The following GALNT13 variants were observed in gnomAD, a reference collection of about 807,000 sequenced individuals.
GALNT13 encodes UDP-GalNAc:polypeptide N-acetylgalactosaminyltransferase 13.
GALNT13 carries 28 observed loss-of-function variants against 64.2 expected under a neutral mutation model. The observed-to-expected ratio is 0.44, with a 90% confidence interval of 0.32 to 0.60. The LOEUF is 0.60. Among genes scored for constraint, GALNT13 ranks in the 20% least tolerant of loss-of-function variants. The pLI, the probability that GALNT13 is intolerant of heterozygous loss-of-function variation, is 0.05. For missense variants in GALNT13, 577 were observed against 669.8 expected (o/e 0.86, Z 1.53); for synonymous variants, 214 against 224.6 (o/e 0.95, Z 0.42).
chr2:153,823,349 C>A, the GALNT13 span, among the ~76,000 whole-genome samples: 1 of 152,258 alleles, frequency 6.6e-6, no homozygotes, highest in South Asian at 2.1e-4. Flanking sequence ...AAACCAGAGA[C>A]AGCAGATTAT....
chr2:153,833,424 A>G, the GALNT13 span, among the ~76,000 whole-genome samples: 1 of 152,158 alleles, frequency 6.6e-6, no homozygotes, highest in Non-Finnish European at 1.5e-5. Context: ...AAAGTTCTAG[A>G]CTTAATAAGA....
At chr2:153,082,200 T>TCC in the GALNT13 span, among the ~76,000 whole-genome samples, 1 of 152,152 alleles carries the variant, frequency 6.6e-6, no homozygotes, top group East Asian at 1.9e-4. Context: ...CAGGTGGTTT[T>TCC]TGGTTACATG....
At chr2:154,100,008 G>A (rs1702266189) in intron 3 of GALNT13, among the ~76,000 whole-genome samples, 1 of 152,030 alleles carries the variant, frequency 6.6e-6, no homozygotes, top group East Asian at 1.9e-4. Context: ...TTGTTGAAGA[G>A]CAGTTAGCTA....
At chr2:153,835,522 T>C in the GALNT13 span, among the ~76,000 whole-genome samples, 2 of 152,024 alleles carry the variant, frequency 1.3e-5, no homozygotes, top group African/African-American at 4.8e-5. Flanking sequence ...GGGTTTTGGT[T>C]CTATGATGAA....
At chr2:154,101,936 G>A (rs1045297864) in intron 3 of GALNT13, among the ~76,000 whole-genome samples, 1 of 151,966 alleles carries the variant, frequency 6.6e-6, no homozygotes, top group Admixed American at 6.6e-5. Flanking sequence ...TAGGTTCTGT[G>A]TACTTTTTTG....
At chr2:153,638,231 A>C in the GALNT13 span, among the ~76,000 whole-genome samples, 1 of 152,132 alleles carries the variant, frequency 6.6e-6, no homozygotes. Context: ...CATTGTAAAG[A>C]TATTCATTGG....
chr2:154,092,561 G>A (rs1336142797), intron 3 of GALNT13, among the ~76,000 whole-genome samples: 1 of 152,030 alleles, frequency 6.6e-6, no homozygotes, highest in African/African-American at 2.4e-5. Flanking sequence ...AACTGTCACT[G>A]TTGGCACTGC....
intron 3 of GALNT13, among the ~76,000 whole-genome samples, chr2:153,963,883 T>G (rs527508332): frequency 6.6e-6 from 1 of 152,066 alleles, no homozygotes; most frequent in Non-Finnish European, 1.5e-5. Context: ...ATGAGGTCTA[T>G]GAAAGAGCAG....
intron 2 of GALNT13, among the ~76,000 whole-genome samples, chr2:153,917,609 C>T (rs1049147677): frequency 3.9e-5 from 6 of 152,020 alleles, no homozygotes; most frequent in Non-Finnish European, 5.9e-5. Flanking sequence ...AAGTAATAAA[C>T]TTAATTGCAC....
At chr2:153,658,655 A>T in the GALNT13 span, among the ~76,000 whole-genome samples, 1 of 152,150 alleles carries the variant, frequency 6.6e-6, no homozygotes, top group Non-Finnish European at 1.5e-5. Context: ...TTATTATAGG[A>T]GTTCTAAACT....
intron 9 of GALNT13, among the ~76,000 whole-genome samples, chr2:154,319,458 C>T (rs755044382): frequency 1.3e-5 from 2 of 151,826 alleles, no homozygotes; most frequent in Non-Finnish European, 2.9e-5. Context: ...TTGAGGTCAT[C>T]AGTAAAAGAC....
chr2:153,468,338 T>C, the GALNT13 span, among the ~76,000 whole-genome samples: 8 of 152,108 alleles, frequency 5.3e-5, no homozygotes, highest in African/African-American at 1.7e-4. Flanking sequence ...GTGAAGTCTT[T>C]GTTTGCGTTG....
At chr2:154,024,593 C>G (rs1037291906) in intron 3 of GALNT13, among the ~76,000 whole-genome samples, 1 of 152,022 alleles carries the variant, frequency 6.6e-6, no homozygotes, top group South Asian at 2.1e-4. Context: ...ATCCATTTGT[C>G]TAATTTTTTT....
the GALNT13 span, among the ~76,000 whole-genome samples, chr2:153,305,759 C>T: frequency 3.9e-5 from 6 of 152,056 alleles, no homozygotes; most frequent in Admixed American, 6.5e-5. Flanking sequence ...TTGAGCATTC[C>T]GTTTACCCCT....
At chr2:153,685,056 C>T in the GALNT13 span, among the ~76,000 whole-genome samples, 1 of 151,322 alleles carries the variant, frequency 6.6e-6, no homozygotes, top group Non-Finnish European at 1.5e-5. Context: ...TCTATCATTA[C>T]TGGGCTATCA....
the GALNT13 span, among the ~76,000 whole-genome samples, chr2:153,443,601 C>G: frequency 2.2e-4 from 34 of 152,244 alleles, no homozygotes; most frequent in African/African-American, 7.9e-4. Context: ...TATTATTTAT[C>G]TTCTATCCTT....
intron 3 of GALNT13, among the ~76,000 whole-genome samples, chr2:153,973,039 A>G (rs1016560382): frequency 5.3e-5 from 8 of 152,060 alleles, no homozygotes; most frequent in African/African-American, 1.7e-4. Context: ...ATAAAATCTC[A>G]TGTAAATACA....
At chr2:153,129,747 T>A in the GALNT13 span, among the ~76,000 whole-genome samples, 1 of 151,570 alleles carries the variant, frequency 6.6e-6, no homozygotes, top group African/African-American at 2.4e-5. Flanking sequence ...TCCAGCCTGG[T>A]GACAGAGTGA....
the GALNT13 span, among the ~76,000 whole-genome samples, chr2:153,553,531 G>A: frequency 6.6e-6 from 1 of 152,146 alleles, no homozygotes; most frequent in African/African-American, 2.4e-5. Context: ...ATTATTGGAT[G>A]AGAGCAGGTC....
Sources: allele counts gnomAD v4.1 joint callset (sites outside exome capture counted in the v4.1 genomes callset), GRCh38; gene constraint gnomAD v4.1.1; transcripts MANE v1.5; gene names NCBI Gene and HGNC (gene_info 2026-07-23, HGNC 2026-07-21).